Variants in TASP1 observed in about 807,000 individuals in gnomAD.
The protein encoded by TASP1 is taspase 1, also known as threonine aspartase 1.
A neutral mutation model predicts 56.6 loss-of-function variants in TASP1; 16 were observed. The ratio of observed to expected loss-of-function variants is 0.28; its 90% CI spans 0.19 to 0.43. TASP1 has a LOEUF of 0.43. TASP1 is among the 20% of genes least tolerant of loss of function. The pLI is 1.00. For missense variants in TASP1, 393 were observed against 511.6 expected, an observed-to-expected ratio of 0.77 and a Z score of 2.24; for synonymous variants, 179 against 184.2, an observed-to-expected ratio of 0.97 and a Z score of 0.23.
intron 11 of TASP1, among the ~76,000 whole-genome samples, chr20:13,459,220 C>T (rs944373920): frequency 1.3e-5 from 2 of 152,076 alleles, no homozygotes; most frequent in South Asian, 4.1e-4. Flanking sequence ...CTCCCTTTAT[C>T]GTCCCCTAGT....
the TASP1 span, among the ~76,000 whole-genome samples, chr20:13,151,976 T>C: frequency 6.6e-6 from 1 of 151,906 alleles, no homozygotes; most frequent in East Asian, 1.9e-4. Context: ...AACTCTCAAC[T>C]GCCTCTACTA....
At chr20:13,274,681 G>A in the TASP1 span, among the ~76,000 whole-genome samples, 8 of 59,144 alleles carry the variant, frequency 1.4e-4, no homozygotes, top group East Asian at 3.2e-3. Flanking sequence ...CCCCCCCCGC[G>A]CCCGGCCCCC....
chr20:13,420,507 T>A (rs1215132906), intron 12 of TASP1, among the ~76,000 whole-genome samples: 1 of 152,226 alleles, frequency 6.6e-6, no homozygotes, highest in African/African-American at 2.4e-5. Flanking sequence ...ACAATTCAAA[T>A]CAGTTTTCAG....
At chr20:13,137,352 G>T in the TASP1 span, among the ~76,000 whole-genome samples, 1 of 152,158 alleles carries the variant, frequency 6.6e-6, no homozygotes, top group Non-Finnish European at 1.5e-5. Context: ...GGGAATGAAG[G>T]CTTTCAGCTA....
intron 11 of TASP1, among the ~76,000 whole-genome samples, chr20:13,467,318 C>T (rs569114413): frequency 6.6e-6 from 1 of 151,930 alleles, no homozygotes; most frequent in Admixed American, 6.6e-5. Context: ...GGACATTCTC[C>T]TACCTAAACC....
In TASP1 at chr20:13,490,556, T is replaced by C. The variant is rs182234189; in HGVS notation, c.875-7219A>G. Among the ~76,000 whole-genome samples the C allele has an allele frequency of 3.3e-5, 5 of 152,362 alleles. No homozygotes were observed. The East Asian group carries it at 9.6e-4, about 29-fold the overall frequency. ...TACATTACAAAAAGCTTCTGTAACT[T>C]TACCCATAGGAGAAATCTGATATTT... On this transcript the variant is annotated intron_variant, in intron 10 of 13. Coordinates refer to ENST00000337743, the MANE Select transcript of TASP1 (RefSeq NM_017714.3).
chr20:13,584,629 T>C (rs2047240241), intron 5 of TASP1, among the ~76,000 whole-genome samples: 1 of 152,192 alleles, frequency 6.6e-6, no homozygotes, highest in South Asian at 2.1e-4. Context: ...AGAATACATA[T>C]TCTTTTGAAG....
chr20:13,279,608 AC>A, the TASP1 span: 4 of 1,600,344 alleles, frequency 2.5e-6, no homozygotes, highest in Non-Finnish European at 3.4e-6. Context: ...CTCCACACTG[AC>A]CCCAGCCTGT....
At chr20:13,204,321 A>C in the TASP1 span, among the ~76,000 whole-genome samples, 1 of 152,070 alleles carries the variant, frequency 6.6e-6, no homozygotes, top group Non-Finnish European at 1.5e-5. Flanking sequence ...CAATTATTTT[A>C]CATCTAGAGC....
the TASP1 span, among the ~76,000 whole-genome samples, chr20:13,287,905 T>C: frequency 6.6e-6 from 1 of 152,302 alleles, no homozygotes; most frequent in Non-Finnish European, 1.5e-5. Context: ...GCAGGGCCAC[T>C]GGGTAGGTAC....
At chr20:13,140,520 A>G in the TASP1 span, among the ~76,000 whole-genome samples, 3 of 152,186 alleles carry the variant, frequency 2.0e-5, no homozygotes, top group Admixed American at 2.0e-4. Context: ...ATATTAGAAT[A>G]TGATTCCGAT....
intron 11 of TASP1, among the ~76,000 whole-genome samples, chr20:13,454,798 AGG>A (rs918356526): frequency 4.1e-4 from 63 of 152,090 alleles, no homozygotes; most frequent in Admixed American, 5.2e-4. Flanking sequence ...CAGTCCCTGG[AGG>A]CCTTGTTTAT....
chr20:13,283,793 G>A, the TASP1 span, among the ~76,000 whole-genome samples: 4 of 152,120 alleles, frequency 2.6e-5, no homozygotes, highest in Non-Finnish European at 5.9e-5. Flanking sequence ...TGTTACTTGG[G>A]TTAGGACCCA....
the TASP1 span, among the ~76,000 whole-genome samples, chr20:13,263,667 T>C: frequency 1.3e-5 from 2 of 152,194 alleles, no homozygotes; most frequent in African/African-American, 4.8e-5. Flanking sequence ...AGTGTGTTTA[T>C]TGTGGGTAGA....
intron 11 of TASP1, among the ~76,000 whole-genome samples, chr20:13,438,466 AACT>A (rs1874941625): frequency 6.6e-6 from 1 of 152,220 alleles, no homozygotes; most frequent in Admixed American, 6.5e-5. Context: ...AGAAAGCTGA[AACT>A]GGATCCCTTC....
chr20:13,191,502 C>T, the TASP1 span, among the ~76,000 whole-genome samples: 9 of 152,284 alleles, frequency 5.9e-5, no homozygotes, highest in East Asian at 1.7e-3. Flanking sequence ...AAGACAAATA[C>T]TGCGTGTTCT....
At chr20:13,241,723 G>GTTAGCAAGT in the TASP1 span, among the ~76,000 whole-genome samples, 4 of 152,266 alleles carry the variant, frequency 2.6e-5, no homozygotes, top group East Asian at 7.7e-4. Context: ...GGTTGTGAAG[G>GTTAGCAAGT]AAGGGCAGTT....
chr20:13,568,341 T>C (rs1165469793), intron 7 of TASP1, among the ~76,000 whole-genome samples: 1 of 152,146 alleles, frequency 6.6e-6, no homozygotes, highest in Admixed American at 6.6e-5. Context: ...TAAGTTGGTT[T>C]CCTTGGAGTT....
At chr20:13,525,703 T>C (rs2044948784) in intron 10 of TASP1, among the ~76,000 whole-genome samples, 1 of 152,166 alleles carries the variant, frequency 6.6e-6, no homozygotes, top group Non-Finnish European at 1.5e-5. Flanking sequence ...GTGCTCCACC[T>C]TTCTTCTGAC....
Sources: allele counts gnomAD v4.1 joint callset (sites outside exome capture counted in the v4.1 genomes callset), GRCh38; gene constraint gnomAD v4.1.1; transcripts MANE v1.5; gene names NCBI Gene and HGNC (gene_info 2026-07-23, HGNC 2026-07-21).